The following NLRP5 variants were observed in gnomAD, a reference collection of about 807,000 sequenced individuals.
NLRP5 encodes NLR family pyrin domain containing 5, also known as NACHT, LRR and PYD domains-containing protein 5.
A neutral mutation model predicts 113.1 loss-of-function variants in NLRP5; 93 were observed. The ratio of observed to expected loss-of-function variants is 0.82; its 90% CI spans 0.70 to 0.98. The LOEUF (loss-of-function observed/expected upper bound fraction) is 0.98, where lower values mean the gene tolerates loss of function less well. Among genes scored for constraint, NLRP5 ranks in the 50% least tolerant of loss-of-function variants. NLRP5 has a pLI of 0.00. For missense variants in NLRP5, 1,808 were observed against 1,514.3 expected (o/e 1.19, Z -3.22); for synonymous variants, 751 against 600.7 (o/e 1.25, Z -3.66).
rs1211762178 is a variant in NLRP5 at position 56,034,756 on chromosome 19, TTGA to T, written c.2615+1053_2615+1055del. Among the ~76,000 whole-genome samples the T allele has an allele frequency of 9.2e-5, 14 of 152,308 alleles. No homozygotes were observed. The East Asian group carries it at 1.7e-3, about 19-fold the overall frequency. ...GTGTTACACACTTTCTTCCTTTCTGTTGATGATGGCCATTCAATGCTATGGAGT... is the reference window on the plus strand; with the variant it reads ...GTGTTACACACTTTCTTCCTTTCTGTTGATGGCCATTCAATGCTATGGAGT... On this transcript the variant is annotated intron_variant, in intron 9 of 14. Transcript: ENST00000390649.
chr19:56,015,611 T>A, intron 3 of NLRP5, 131 bp from the exon 4 acceptor site: 1 of 586,498 alleles, frequency 1.7e-6, no homozygotes, highest in Non-Finnish European at 2.8e-6. Context: ...GCTGAGCCAG[T>A]GGTTCTGTGC....
intron 9 of NLRP5, among the ~76,000 whole-genome samples, chr19:56,037,335 C>T (rs758460430): frequency 3.3e-5 from 5 of 152,098 alleles, no homozygotes; most frequent in Non-Finnish European, 5.9e-5. Flanking sequence ...CAGGCCTCCA[C>T]CTTCATGGAG....
intron 6 of NLRP5, among the ~76,000 whole-genome samples, chr19:56,026,355 C>T (rs371637272): frequency 1.3e-5 from 2 of 151,522 alleles, no homozygotes; most frequent in African/African-American, 4.8e-5. Flanking sequence ...GGTGAAACCC[C>T]GTCTCTACTA....
chr19:56,002,470 T>G (rs1305290330), intron 1 of NLRP5, among the ~76,000 whole-genome samples: 1 of 151,806 alleles, frequency 6.6e-6, no homozygotes, highest in Non-Finnish European at 1.5e-5. Context: ...TTTTTTAATT[T>G]TATTATTATT....
intron 3 of NLRP5, among the ~76,000 whole-genome samples, chr19:56,010,482 C>T (rs149632726): frequency 0.039 from 5,866 of 151,888 alleles, 359 homozygotes; most frequent in African/African-American, 0.13. Context: ...CGGTGGCTCA[C>T]GCCTGTAATC....
In NLRP5 at chr19:56,026,977, T is replaced by A. The variant is rs200869474; in HGVS notation, c.744T>A (p.Asp248Glu). Residue 248 changes from aspartate (D) to glutamate (E), a missense_variant, in exon 7 of 15, where the codon GAT becomes GAA. Physicochemically the swap from Asp to Glu is conservative, Grantham distance 45 (BLOSUM62 2). Coordinates refer to ENST00000390649, the MANE Select transcript of NLRP5 (RefSeq NM_153447.4). ...TGACCAAATTCGCTGAGGAGGAGGA[T>A]GTACGTCGTAGTTTTGAAAACACTG... The A allele has an allele frequency of 1.3e-6, 2 of 1,551,748 alleles. No homozygotes were observed. The highest frequency in any genetic ancestry group is 2.4e-5 in the South Asian group (2 of 84,064).
Position 56,013,054 on chromosome 19 carries a change from C to T in NLRP5, c.509-2688C>T, listed in dbSNP as rs117622964. On this transcript the variant is annotated intron_variant, in intron 3 of 14. Coordinates refer to ENST00000390649, the MANE Select transcript of NLRP5 (RefSeq NM_153447.4). ...AAAACCACATACCTATTAGCCATCA[C>T]TCCCCATACCCAGCCCCTGGAAACC... is the stretch of plus-strand genomic sequence containing the variant. Among the ~76,000 whole-genome samples, 1,486 of 152,264 alleles carry T rather than the reference C, an allele frequency of 9.8e-3. 44 individuals are homozygous for T. The highest frequency in any genetic ancestry group is 0.067 in the East Asian group (347 of 5,184).
At chr19:56,044,339 C>T (rs989583460) in intron 11 of NLRP5, among the ~76,000 whole-genome samples, 10 of 152,220 alleles carry the variant, frequency 6.6e-5, no homozygotes, top group Non-Finnish European at 1.3e-4. Context: ...CAGGCGTGAG[C>T]CGCCACACCC....
At chr19:56,025,225 T>C (rs1445259072) in intron 6 of NLRP5, among the ~76,000 whole-genome samples, 1 of 152,178 alleles carries the variant, frequency 6.6e-6, no homozygotes, top group Non-Finnish European at 1.5e-5. Flanking sequence ...ATAAACATAA[T>C]GTGCTTGAGT....
Position 56,028,153 on chromosome 19 carries a change from C to A in NLRP5, c.1920C>A (p.Leu640=). 6.2e-7 allele frequency: 1 copy of A among 1,613,960 alleles called. No homozygotes were observed. The highest frequency in any genetic ancestry group is 1.1e-5 in the South Asian group (1 of 91,082). The change falls in exon 7 of 15, where the codon CTC becomes CTA. Residue 640 remains leucine, a synonymous_variant. Transcript: ENST00000390649. ...GGATGAAGCGTTTCTTGTTTGGCCT[C>A]GTGAGCGAAGACGTAAGGAGGCCAC...
chr19:56,024,069 G>A (rs970294203), intron 6 of NLRP5, among the ~76,000 whole-genome samples: 1 of 151,912 alleles, frequency 6.6e-6, no homozygotes, highest in African/African-American at 2.4e-5. Flanking sequence ...ATAAGCTAGG[G>A]GGCTGACAAA....
intron 7 of NLRP5, among the ~76,000 whole-genome samples, chr19:56,029,415 G>A (rs565330839): frequency 6.6e-6 from 1 of 151,838 alleles, no homozygotes; most frequent in Non-Finnish European, 1.5e-5. Context: ...TATAGGCAGT[G>A]CCACCATACC....
rs191287499 is a variant in NLRP5 at position 56,021,838 on chromosome 19, T to C, written c.679+1407T>C. Reference sequence around the variant, plus strand: ...TGACTAGCATGAGATATTGAAGATATAAAGCTAACTGGAATTGGTGATTGG... The same window carrying C: ...TGACTAGCATGAGATATTGAAGATACAAAGCTAACTGGAATTGGTGATTGG... On this transcript the variant is annotated intron_variant, in intron 6 of 14. Coordinates refer to ENST00000390649, the MANE Select transcript of NLRP5 (RefSeq NM_153447.4). 8.3e-4 allele frequency among the ~76,000 whole-genome samples: 126 copies of C among 152,300 alleles called. 1 individual carries two copies. The highest frequency in any genetic ancestry group is 1.8e-3 in the Admixed American group (28 of 15,296).
rs748347666 is a variant in NLRP5, at chr19:56,027,665, T to G, written c.1432T>G (p.Cys478Gly). The stretch of plus-strand genomic sequence containing the variant: ...GGTGCCCGCCGTGGGCTCTCTCATC[T>G]GCGTGGCCCTGCAGCTGCAGGACGT... The change falls in exon 7 of 15, where the codon TGC (cysteine) becomes GGC (glycine). Residue 478 changes from cysteine to glycine, a missense_variant. By Grantham distance (159) the Cys-to-Gly change is radical. Coordinates refer to ENST00000390649, the MANE Select transcript of NLRP5 (RefSeq NM_153447.4). 6.2e-6 allele frequency: 10 copies of G among 1,613,460 alleles called. No individual in the cohort carries two copies. The East Asian group carries it at 2.2e-4, about 36-fold the overall frequency.
Position 56,028,460 on chromosome 19 carries a change from A to G in NLRP5, c.2227A>G (p.Ile743Val). 2 of 1,613,850 alleles carry G rather than the reference A, an allele frequency of 1.2e-6. No homozygotes were observed. Among genetic ancestry groups the G allele is most frequent in the Non-Finnish European group, 1.7e-6 (2 of 1,179,878 alleles). Residue 743 changes from isoleucine (I) to valine (V), a missense_variant, in exon 7 of 15, where the codon ATC becomes GTC. Coordinates refer to ENST00000390649, the MANE Select transcript of NLRP5 (RefSeq NM_153447.4). ...GAAAATTCGGGTGGATGTCAAAGGG[A>G]TCTTCCCAAGAGATGAGTCCGCTGA...
Position 56,024,588 on chromosome 19 carries a change from C to T in NLRP5, c.680-2325C>T, listed in dbSNP as rs1346687050. ...ATATATACACATATATATACATACA[C>T]ACACACACACACACATGAAATTAGC... is the stretch of plus-strand genomic sequence containing the variant. On this transcript the variant is annotated intron_variant, in intron 6 of 14. Transcript: ENST00000390649. 6.1e-4 allele frequency among the ~76,000 whole-genome samples: 91 copies of T among 149,836 alleles called. No homozygotes were observed. In the Middle Eastern group the frequency reaches 0.014, roughly 23 times the overall value.
intron 9 of NLRP5, among the ~76,000 whole-genome samples, chr19:56,036,007 A>G (rs1016957769): frequency 6.7e-6 from 1 of 148,474 alleles, no homozygotes; most frequent in Non-Finnish European, 1.5e-5. Flanking sequence ...TTGATTTTGC[A>G]TGTAGTACTA....
intron 11 of NLRP5, among the ~76,000 whole-genome samples, chr19:56,047,221 T>C (rs1024057089): frequency 1.3e-5 from 2 of 152,206 alleles, no homozygotes; most frequent in Non-Finnish European, 2.9e-5. Context: ...TTGTATTTTT[T>C]TGTTTCAGTT....
intron 13 of NLRP5, among the ~76,000 whole-genome samples, chr19:56,057,078 G>C (rs1479327210): frequency 6.6e-6 from 1 of 152,206 alleles, no homozygotes; most frequent in Non-Finnish European, 1.5e-5. Context: ...GGAGGTCGCA[G>C]TGAGTCGAGC....
Sources: gnomAD v4.1 joint callset for allele counts (sites outside exome capture counted in the v4.1 genomes callset) on GRCh38, gnomAD v4.1.1 for gene constraint, MANE v1.5 for transcripts, NCBI Gene and HGNC (gene_info 2026-07-23, HGNC 2026-07-21) for gene names.